CFAP20DC: variants seen among roughly 807,000 people sequenced by gnomAD.
CFAP20DC encodes CFAP20 domain containing, also known as protein CFAP20DC.
Under a neutral mutation model 101.7 loss-of-function variants are expected in CFAP20DC, and 84 were observed. The observed-to-expected ratio is 0.83, with a 90% CI of 0.69 to 0.99. The LOEUF is 0.99. Ranked by LOEUF, CFAP20DC falls within the 50% of genes least tolerant of loss-of-function variation. The pLI is 0.00. For missense variants in CFAP20DC, 1,007 were observed against 970.3 expected (o/e 1.04, Z -0.50); for synonymous variants, 359 against 351.2 (o/e 1.02, Z -0.25).
intron 14 of CFAP20DC, among the ~76,000 whole-genome samples, chr3:58,818,442 G>A (rs1303531670): frequency 6.6e-6 from 1 of 151,372 alleles, no homozygotes; most frequent in East Asian, 2.0e-4. Context: ...AAGGATGGAG[G>A]AAGATCTACC....
At chr3:58,777,805 G>A (rs1291619540) in intron 15 of CFAP20DC, among the ~76,000 whole-genome samples, 1 of 152,106 alleles carries the variant, frequency 6.6e-6, no homozygotes, top group Non-Finnish European at 1.5e-5. Flanking sequence ...CTTGAGGGCC[G>A]GCCTCAAGGC....
At chr3:58,893,171 G>A (rs2082392591) in intron 6 of CFAP20DC, among the ~76,000 whole-genome samples, 1 of 151,962 alleles carries the variant, frequency 6.6e-6, no homozygotes, top group African/African-American at 2.4e-5. Flanking sequence ...AGCCTCCTGA[G>A]TAGCTGGGAC....
chr3:59,004,815 G>A (rs1474105307), intron 4 of CFAP20DC, among the ~76,000 whole-genome samples: 1 of 152,168 alleles, frequency 6.6e-6, no homozygotes, highest in Non-Finnish European at 1.5e-5. Context: ...CTAGTCCTGT[G>A]TAAACTTGTG....
intron 5 of CFAP20DC, among the ~76,000 whole-genome samples, chr3:58,925,957 G>A (rs1304300248): frequency 6.6e-6 from 1 of 152,204 alleles, no homozygotes; most frequent in Non-Finnish European, 1.5e-5. Context: ...AATTAGTTAT[G>A]CCTACTTAAC....
At chr3:58,987,716 A>G (rs1407329393) in intron 4 of CFAP20DC, among the ~76,000 whole-genome samples, 1 of 151,978 alleles carries the variant, frequency 6.6e-6, no homozygotes, top group Admixed American at 6.6e-5. Context: ...ATAACTCTAT[A>G]CTATTAAACT....
chr3:58,913,430 T>G lies in CFAP20DC; in HGVS notation c.550+278A>C. On this transcript the variant is annotated intron_variant, in intron 6 of 16. Transcript: ENST00000482387. This position sits in a 1 kb window ranked among gnomAD's most constrained non-coding sequence, Gnocchi z 4.4. ...TTTCAACCACCTAAAGAGGATTATG[T>G]TGTTTGTAACTAAGGAGCCTAAGAC... 2 of 578,204 alleles carry G rather than the reference T, an allele frequency of 3.5e-6. No individual in the cohort carries two copies. Among genetic ancestry groups the G allele is most frequent in the Non-Finnish European group, 6.1e-6 (2 of 328,516 alleles). 35.8% of individuals were successfully genotyped at this position (578,204 alleles called of 1,614,324 possible).
intron 3 of CFAP20DC, among the ~76,000 whole-genome samples, chr3:58,734,729 T>C (rs1392334839): frequency 6.6e-6 from 1 of 152,186 alleles, no homozygotes; most frequent in Non-Finnish European, 1.5e-5. Context: ...CTTTCCCCTC[T>C]TGCCCTCTCT....
At chr3:58,751,861 A>ACACACACC (rs996498438) in intron 16 of CFAP20DC, among the ~76,000 whole-genome samples, 1 of 135,572 alleles carries the variant, frequency 7.4e-6, no homozygotes, top group African/African-American at 2.7e-5. Context: ...ACACACACAC[A>ACACACACC]CACACAAAAT....
intron 14 of CFAP20DC, among the ~76,000 whole-genome samples, chr3:58,810,741 T>A (rs1287048620): frequency 2.0e-5 from 3 of 150,664 alleles, no homozygotes; most frequent in Non-Finnish European, 4.4e-5. Context: ...GGGTATTCAA[T>A]TAGGAAAAGA....
chr3:58,851,521 G>A (rs975611852), intron 12 of CFAP20DC, among the ~76,000 whole-genome samples: 2 of 152,076 alleles, frequency 1.3e-5, no homozygotes, highest in Non-Finnish European at 2.9e-5. Flanking sequence ...GTTGAGATTA[G>A]CAGACAACTG....
intron 13 of CFAP20DC, among the ~76,000 whole-genome samples, chr3:58,846,771 A>G (rs1327550655): frequency 6.8e-6 from 1 of 146,694 alleles, no homozygotes; most frequent in Non-Finnish European, 1.5e-5. Context: ...ACTATACTAC[A>G]AGGCTACAGT....
chr3:58,900,677 A>G (rs2083070528), intron 6 of CFAP20DC, among the ~76,000 whole-genome samples: 1 of 152,246 alleles, frequency 6.6e-6, no homozygotes, highest in South Asian at 2.1e-4. Flanking sequence ...CACATGAAAG[A>G]GAAGGCTATG....
intron 7 of CFAP20DC, among the ~76,000 whole-genome samples, chr3:58,879,020 A>C (rs951386793): frequency 3.9e-5 from 6 of 151,992 alleles, no homozygotes; most frequent in East Asian, 1.9e-4. Flanking sequence ...AAAAAAAAAA[A>C]AAACAAAAGA....
At chr3:58,886,540 A>G (rs1307529560) in intron 6 of CFAP20DC, among the ~76,000 whole-genome samples, 2 of 151,816 alleles carry the variant, frequency 1.3e-5, no homozygotes, top group Non-Finnish European at 2.9e-5. Flanking sequence ...TGGGTAACAT[A>G]GCCATACCCC....
chr3:58,820,641 A>G (rs2075562789), intron 14 of CFAP20DC, among the ~76,000 whole-genome samples: 3 of 152,056 alleles, frequency 2.0e-5, no homozygotes, highest in South Asian at 4.2e-4. Flanking sequence ...AGGAAATAAA[A>G]GAAGATACAA....
Position 58,831,873 on chromosome 3 carries a change from T to A in CFAP20DC, c.1988A>T (p.Asn663Ile). The change falls in exon 14 of 17, where the codon AAC becomes ATC. Residue 663 changes from asparagine (N) to isoleucine (I), a missense_variant. Coordinates refer to ENST00000482387, the MANE Select transcript of CFAP20DC (RefSeq NM_001394063.1). ...TTCACTCATCTGGCTTGGCTGATAG[T>A]TTCGCCAGTCATATTCCTGACCAAG... ...IPEASEYDWR[N>I]YQPSQMSESE... 3.1e-6 allele frequency: 5 copies of A among 1,613,960 alleles called. No homozygotes were observed. The highest frequency in any genetic ancestry group is 4.2e-6 in the Non-Finnish European group (5 of 1,179,900).
intron 4 of CFAP20DC, among the ~76,000 whole-genome samples, chr3:58,991,096 C>A (rs2092922868): frequency 6.6e-6 from 1 of 152,090 alleles, no homozygotes; most frequent in African/African-American, 2.4e-5. Flanking sequence ...TTAAAAATAT[C>A]TTTTCTAGGT....
chr3:59,000,806 G>A (rs1003121730), intron 4 of CFAP20DC, among the ~76,000 whole-genome samples: 1 of 152,118 alleles, frequency 6.6e-6, no homozygotes, highest in Non-Finnish European at 1.5e-5. Context: ...CATTTGGAGA[G>A]TTTCTGGAAC....
intron 6 of CFAP20DC, among the ~76,000 whole-genome samples, chr3:58,893,035 C>A (rs2082377206): frequency 6.7e-6 from 1 of 149,974 alleles, no homozygotes. Flanking sequence ...GAGTTTTTAA[C>A]ATGAAGGATT....
Sources: gnomAD v4.1 joint callset for allele counts (sites outside exome capture counted in the v4.1 genomes callset) on GRCh38, gnomAD v4.1.1 for gene constraint, Gnocchi (gnomAD v3.1) non-coding constraint, MANE v1.5 for transcripts, NCBI Gene and HGNC (gene_info 2026-07-23, HGNC 2026-07-21) for gene names.